Variants in FHIT observed in about 807,000 individuals in gnomAD.
FHIT encodes the protein fragile histidine triad diadenosine triphosphatase.
Under a neutral mutation model 17.9 loss-of-function variants are expected in FHIT, and 19 were observed. The ratio of observed to expected loss-of-function variants is 1.06; its 90% CI spans 0.74 to 1.56. The LOEUF (loss-of-function observed/expected upper bound fraction) is 1.56. Ranked by LOEUF, FHIT falls within the 40% of genes most tolerant of loss-of-function variation. The probability of loss-of-function intolerance (pLI) is 0.00; values close to 1 mark genes in which losing one functional copy is unlikely to be tolerated. For synonymous variants in FHIT, 81 were observed against 69.7 expected, an observed-to-expected ratio of 1.16 and a Z score of -0.81; for missense variants, 248 against 189.2, an observed-to-expected ratio of 1.31 and a Z score of -1.82.
chr3:59,747,949 C>T lies in FHIT; in HGVS notation c.*1636G>A, dbSNP rs572085153. Among the ~76,000 whole-genome samples, 20 of 152,248 alleles carry T rather than the reference C, an allele frequency of 1.3e-4. No individual in the cohort carries two copies. Among genetic ancestry groups the T allele is most frequent in the African/African-American group, 4.3e-4 (18 of 41,544 alleles). Reference sequence around the variant, plus strand: ...GTTTAAGATAATCTTAAGTGATCTACATTGAATCTCTCAGTAGGTTATTCT... The same window carrying T: ...GTTTAAGATAATCTTAAGTGATCTATATTGAATCTCTCAGTAGGTTATTCT... On this transcript the variant is annotated 3_prime_UTR_variant, in exon 10 of 10. Coordinates refer to ENST00000492590, the MANE Select transcript of FHIT (RefSeq NM_002012.4).
At chr3:60,600,333 T>A (rs1553668315) in intron 4 of FHIT, among the ~76,000 whole-genome samples, 2 of 142,656 alleles carry the variant, frequency 1.4e-5, no homozygotes, top group African/African-American at 5.3e-5. Context: ...TAAAAAAAAA[T>A]AAGCAGCAAA....
At chr3:60,086,672 A>G (rs1333140555) in intron 5 of FHIT, among the ~76,000 whole-genome samples, 5 of 152,218 alleles carry the variant, frequency 3.3e-5, no homozygotes, top group South Asian at 2.1e-4. Context: ...GGCAGACATG[A>G]TATCTTAAAG....
chr3:60,944,730 A>C (rs577242419), intron 3 of FHIT, among the ~76,000 whole-genome samples: 1 of 152,308 alleles, frequency 6.6e-6, no homozygotes, highest in East Asian at 1.9e-4. Flanking sequence ...ACAGTGCAAA[A>C]GGAAGTTTCC....
At chr3:60,305,895 G>C (rs1227509614) in intron 5 of FHIT, among the ~76,000 whole-genome samples, 2 of 151,988 alleles carry the variant, frequency 1.3e-5, no homozygotes, top group East Asian at 3.9e-4. Context: ...TTTTGAATTT[G>C]GAATTTTTAT....
intron 7 of FHIT, among the ~76,000 whole-genome samples, chr3:59,972,694 C>T (rs1708240368): frequency 6.6e-6 from 1 of 152,086 alleles, no homozygotes; most frequent in Non-Finnish European, 1.5e-5. Flanking sequence ...AATGCCTGAC[C>T]CTGCTCTGCT....
intron 5 of FHIT, among the ~76,000 whole-genome samples, chr3:60,503,331 G>A (rs536170229): frequency 1.1e-4 from 16 of 152,206 alleles, no homozygotes; most frequent in Admixed American, 9.8e-4. Flanking sequence ...TTGGGTACAT[G>A]TGAAATTTTA....
chr3:60,882,859 A>G (rs1309525420), intron 3 of FHIT, among the ~76,000 whole-genome samples: 1 of 152,142 alleles, frequency 6.6e-6, no homozygotes, highest in African/African-American at 2.4e-5. Flanking sequence ...TGGAAGTCCT[A>G]GCCAGAGCAA....
chr3:60,518,180 T>C (rs1156531716), intron 5 of FHIT, among the ~76,000 whole-genome samples: 1 of 152,154 alleles, frequency 6.6e-6, no homozygotes, highest in East Asian at 1.9e-4. Context: ...TTTCTACATG[T>C]TAATAACATC....
chr3:59,903,015 C>T (rs1200334931), intron 8 of FHIT, among the ~76,000 whole-genome samples: 3 of 152,088 alleles, frequency 2.0e-5, no homozygotes, highest in Admixed American at 1.3e-4. Context: ...TTGTGGTAAC[C>T]ATATCACAAT....
At position 60,014,059 on chromosome 3, in the gene FHIT, C is replaced by G; in HGVS notation, c.197G>C (p.Gly66Ala). ...ADLFQTTQRVGTVVEKHFHGT... is the reference protein window; with the variant it reads ...ADLFQTTQRVATVVEKHFHGT... Reference sequence around the variant, plus strand: ...ATGGAAATGTTTTTCCACCACTGTCCCGACTCTCTGGGTCGTCTGAAACAA... The same window carrying G: ...ATGGAAATGTTTTTCCACCACTGTCGCGACTCTCTGGGTCGTCTGAAACAA... Residue 66 changes from glycine (G) to alanine (A), a missense_variant, in exon 6 of 10, where the codon GGG becomes GCG. Coordinates refer to ENST00000492590, the MANE Select transcript of FHIT (RefSeq NM_002012.4). 1 of 1,613,998 alleles carries G rather than the reference C, an allele frequency of 6.2e-7. No homozygotes were observed. Among genetic ancestry groups the G allele is most frequent in the African/African-American group, 1.3e-5 (1 of 75,008 alleles).
intron 8 of FHIT, among the ~76,000 whole-genome samples, chr3:59,772,714 C>G (rs947170555): frequency 6.6e-6 from 1 of 152,196 alleles, no homozygotes; most frequent in Non-Finnish European, 1.5e-5. Context: ...CTTCTATGAA[C>G]ATTAGTGGAG....
At chr3:60,641,590 T>A (rs1172438384) in intron 4 of FHIT, among the ~76,000 whole-genome samples, 13 of 152,164 alleles carry the variant, frequency 8.5e-5, no homozygotes, top group African/African-American at 2.9e-4. Context: ...AGATATATGA[T>A]GACAAACAGT....
At chr3:60,227,956 G>A (rs1466728987) in intron 5 of FHIT, among the ~76,000 whole-genome samples, 2 of 152,142 alleles carry the variant, frequency 1.3e-5, no homozygotes, top group Non-Finnish European at 2.9e-5. Context: ...TTTAAGAACT[G>A]CAGGGGAGCT....
At chr3:60,847,015 G>T (rs1702952531) in intron 3 of FHIT, among the ~76,000 whole-genome samples, 1 of 152,082 alleles carries the variant, frequency 6.6e-6, no homozygotes, top group Admixed American at 6.6e-5. Context: ...GTAGAAACAA[G>T]GTTTCACCAT....
At chr3:59,841,104 A>T (rs868668701) in intron 8 of FHIT, among the ~76,000 whole-genome samples, 1 of 152,192 alleles carries the variant, frequency 6.6e-6, no homozygotes, top group Non-Finnish European at 1.5e-5. Flanking sequence ...GGCTTGCTAC[A>T]TTCTTGGCAG....
At chr3:60,962,582 G>A (rs1312872528) in intron 3 of FHIT, among the ~76,000 whole-genome samples, 1 of 152,056 alleles carries the variant, frequency 6.6e-6, no homozygotes, top group African/African-American at 2.4e-5. Context: ...TAGATAGCTT[G>A]CATTATTTTC....
At chr3:60,685,598 A>G (rs551724490) in intron 4 of FHIT, among the ~76,000 whole-genome samples, 1 of 152,294 alleles carries the variant, frequency 6.6e-6, no homozygotes, top group East Asian at 1.9e-4. Context: ...GCAAAGTTCC[A>G]TTCTGCACAC....
At chr3:59,906,107 T>C (rs1338258087) in intron 8 of FHIT, among the ~76,000 whole-genome samples, 2 of 152,216 alleles carry the variant, frequency 1.3e-5, no homozygotes, top group East Asian at 1.9e-4. Flanking sequence ...CCCTTCCTCC[T>C]TGTGTATTCT....
intron 4 of FHIT, among the ~76,000 whole-genome samples, chr3:60,725,824 C>T (rs570786018): frequency 8.5e-5 from 13 of 152,244 alleles, no homozygotes; most frequent in African/African-American, 3.1e-4. Context: ...CATTCATTAA[C>T]TTTTAAGCAC....
Sources: allele counts gnomAD v4.1 joint callset (sites outside exome capture counted in the v4.1 genomes callset), GRCh38; gene constraint gnomAD v4.1.1; transcripts MANE v1.5; gene names NCBI Gene and HGNC (gene_info 2026-07-23, HGNC 2026-07-21).